Variants in HECW1 observed in about 807,000 individuals in gnomAD.
HECW1 encodes the protein E3 ubiquitin-protein ligase HECW1.
A neutral mutation model predicts 182.3 loss-of-function variants in HECW1; 61 were observed. The ratio of observed to expected loss-of-function variants is 0.33; its 90% CI spans 0.27 to 0.41. HECW1 has a LOEUF of 0.41. Among genes scored for constraint, HECW1 ranks in the 10% least tolerant of loss-of-function variants. HECW1 has a pLI of 1.00. For synonymous variants in HECW1, 859 were observed against 832.6 expected, an observed-to-expected ratio of 1.03 and a Z score of -0.55; for missense variants, 1,739 against 2,108.9, an observed-to-expected ratio of 0.82 and a Z score of 3.44.
At chr7:43,268,999 GT>G in intron 3 of HECW1, among the ~76,000 whole-genome samples, 1 of 151,994 alleles carries the variant, frequency 6.6e-6, no homozygotes, top group East Asian at 1.9e-4. Flanking sequence ...CTAGGCTTAT[GT>G]TCATTTTTTT....
chr7:43,167,511 G>T (rs1268762683), intron 2 of HECW1, among the ~76,000 whole-genome samples: 2 of 152,194 alleles, frequency 1.3e-5, no homozygotes, highest in Non-Finnish European at 2.9e-5. Context: ...GTTGGAAGAG[G>T]TTCGGAGGAT....
In HECW1 at chr7:43,466,270, A is replaced by G. The variant is rs528541430; in HGVS notation, c.2792-177A>G. Among the ~76,000 whole-genome samples the G allele has an allele frequency of 1.8e-4, 27 of 152,340 alleles. No homozygotes were observed. The East Asian group carries it at 4.2e-3, about 24-fold the overall frequency. ...GAGCCTTACTGAAGTTATGCGAAACACTACTAAGGAAATGATGATTCTTAA... is the reference window on the plus strand; with the variant it reads ...GAGCCTTACTGAAGTTATGCGAAACGCTACTAAGGAAATGATGATTCTTAA... On this transcript the variant is annotated intron_variant, in intron 14 of 29. Coordinates refer to ENST00000395891, the MANE Select transcript of HECW1 (RefSeq NM_015052.5).
intron 2 of HECW1, among the ~76,000 whole-genome samples, chr7:43,174,116 C>T (rs1282508709): frequency 6.6e-6 from 1 of 152,196 alleles, no homozygotes; most frequent in Non-Finnish European, 1.5e-5. Flanking sequence ...GCTGGGATTA[C>T]AGGCATGAGC....
chr7:43,548,694 C>T (rs2081667877), intron 26 of HECW1, among the ~76,000 whole-genome samples: 1 of 152,136 alleles, frequency 6.6e-6, no homozygotes, highest in East Asian at 1.9e-4. Context: ...ATAATCCTAG[C>T]ACTTCAGGAG....
In HECW1 at chr7:43,374,554, C is replaced by CTAAAAAAAAA. The variant is rs1196421692; in HGVS notation, c.555+13574_555+13575insTAAAAAAAAA. Among the ~76,000 whole-genome samples the CTAAAAAAAAA allele has an allele frequency of 1.5e-4, 8 of 51,876 alleles. 1 individual carries two copies. The highest frequency in any genetic ancestry group is 4.0e-4 in the African/African-American group (2 of 5,020). The allele number at this position is 51,876 out of a possible 152,430, so 34.0% of individuals were successfully genotyped here. On this transcript the variant is annotated intron_variant, in intron 6 of 29. Coordinates refer to ENST00000395891, the MANE Select transcript of HECW1 (RefSeq NM_015052.5). ...CTTTGGGAGGCCGAGGCGGGCGGAT[C>CTAAAAAAAAA]ACGAGGTCAGGAGATCGAGACCATC...
chr7:43,397,758 G>C (rs1328845599), intron 7 of HECW1, among the ~76,000 whole-genome samples: 1 of 152,208 alleles, frequency 6.6e-6, no homozygotes, highest in Non-Finnish European at 1.5e-5. Flanking sequence ...GATCACAGTG[G>C]TGGAATGTCA....
chr7:43,114,495 G>A, intron 2 of HECW1, 104 bp downstream of exon 2: 1 of 1,021,832 alleles, frequency 9.8e-7, no homozygotes, highest in East Asian at 4.7e-5. Context: ...GTGCCTGTTT[G>A]GTAGAGAGAT....
At chr7:43,463,562 C>A in intron 13 of HECW1, 98 bp from the exon 14 acceptor site, 1 of 1,149,912 alleles carries the variant, frequency 8.7e-7, no homozygotes, top group Non-Finnish European at 1.2e-6. Flanking sequence ...ACATTCAAGA[C>A]AATTCTTTAC....
chr7:43,291,911 G>A (rs2152755841), intron 3 of HECW1, among the ~76,000 whole-genome samples: 1 of 152,334 alleles, frequency 6.6e-6, no homozygotes, highest in South Asian at 2.1e-4. Context: ...GAAAGGCCCA[G>A]TTAAGATTAG....
intron 2 of HECW1, among the ~76,000 whole-genome samples, chr7:43,168,483 C>G (rs529808329): frequency 6.6e-6 from 1 of 152,146 alleles, no homozygotes; most frequent in African/African-American, 2.4e-5. Context: ...CATACTGAGA[C>G]CCTATCTTCT....
intron 6 of HECW1, among the ~76,000 whole-genome samples, chr7:43,377,276 G>C (rs1232247520): frequency 2.6e-5 from 4 of 152,280 alleles, no homozygotes; most frequent in Non-Finnish European, 5.9e-5. Flanking sequence ...TGCTCTATGA[G>C]GACAGGGAAG....
chr7:43,137,672 C>T (rs996806692), intron 2 of HECW1, among the ~76,000 whole-genome samples: 8 of 152,012 alleles, frequency 5.3e-5, no homozygotes, highest in African/African-American at 1.9e-4. Context: ...ACCTCAGCCT[C>T]CCGAGTAGCT....
intron 12 of HECW1, among the ~76,000 whole-genome samples, chr7:43,455,540 A>T (rs1489699049): frequency 1.3e-5 from 2 of 152,218 alleles, no homozygotes; most frequent in Non-Finnish European, 2.9e-5. Context: ...CTCCAGCATC[A>T]CAGTGTCAGC....
At position 43,221,537 on chromosome 7, in the gene HECW1, G is replaced by GTTTTTTTTTTTTT. The variant is rs71008897; in HGVS notation, c.-31-22308_-31-22296dup. On this transcript the variant is annotated intron_variant, in intron 2 of 29. Coordinates refer to ENST00000395891, the MANE Select transcript of HECW1 (RefSeq NM_015052.5). ...CTAAACTAAATGTCAGAGGAATTAG[G>GTTTTTTTTTTTTT]TTTTTTTTTTTTTTTTTTTTTTTTT... Among the ~76,000 whole-genome samples the GTTTTTTTTTTTTT allele has an allele frequency of 4.2e-4, 21 of 50,532 alleles. 6 individuals are homozygous for GTTTTTTTTTTTTT. The highest frequency in any genetic ancestry group is 4.8e-4 in the Non-Finnish European group (14 of 29,154). 33.2% of individuals were successfully genotyped at this position (50,532 alleles called of 152,430 possible).
At chr7:43,514,807 T>C (rs1217237952) in intron 24 of HECW1, among the ~76,000 whole-genome samples, 2 of 152,192 alleles carry the variant, frequency 1.3e-5, no homozygotes, top group Admixed American at 1.3e-4. Flanking sequence ...AACCCAGATA[T>C]AATGTTATTA....
At chr7:43,322,859 A>G (rs1810313152) in intron 5 of HECW1, among the ~76,000 whole-genome samples, 1 of 152,210 alleles carries the variant, frequency 6.6e-6, no homozygotes. Context: ...GCCTCTAATT[A>G]ATTGAGAAAT....
chr7:43,445,065 C>A lies in HECW1; in HGVS notation c.1893C>A (p.Gly631=), dbSNP rs1483910620. 6 of 1,591,920 alleles carry A rather than the reference C, an allele frequency of 3.8e-6. No homozygotes were observed. The East Asian group carries it at 1.3e-4, about 36-fold the overall frequency. The change falls in exon 11 of 30, where the codon GGC becomes GGA. Residue 631 remains glycine, a synonymous_variant. Coordinates refer to ENST00000395891, the MANE Select transcript of HECW1 (RefSeq NM_015052.5). Reference sequence around the variant, plus strand: ...CTACTCCAGGCACGGCGCACCCTGGCCACTCCGGGGGCCACTTCCCCAGCC... The same window carrying A: ...CTACTCCAGGCACGGCGCACCCTGGACACTCCGGGGGCCACTTCCCCAGCC... ...EGATPGTAHP[G]HSGGHFPSLA... is the part of the protein sequence containing the mutation.
At position 43,496,979 on chromosome 7, in the gene HECW1, A is replaced by G. The variant is rs139923963; in HGVS notation, c.3438-3720A>G. On this transcript the variant is annotated intron_variant, in intron 19 of 29. Transcript: ENST00000395891. ...TAAATTCTCAATGAATTTACAATCT[A>G]CTGAGGGAGACAGATAATAGACAAG... 3.9e-5 allele frequency among the ~76,000 whole-genome samples: 6 copies of G among 152,318 alleles called. No individual in the cohort carries two copies. In the East Asian group the frequency reaches 1.2e-3, roughly 29 times the overall value.
chr7:43,244,027 T>C (rs1209759979), intron 3 of HECW1, 95 bp downstream of exon 3: 16 of 1,002,604 alleles, frequency 1.6e-5, no homozygotes, highest in Non-Finnish European at 2.4e-5. Context: ...CTAGGGCCAT[T>C]GCGGTTGCCC....
Sources: gnomAD v4.1 joint callset for allele counts (sites outside exome capture counted in the v4.1 genomes callset) on GRCh38, gnomAD v4.1.1 for gene constraint, MANE v1.5 for transcripts, NCBI Gene and HGNC (gene_info 2026-07-23, HGNC 2026-07-21) for gene names.